The following SPATA20 variants were observed in gnomAD, a reference collection of about 807,000 sequenced individuals.
SPATA20 encodes the protein spermatogenesis associated 20, also known as spermatogenesis-associated protein 20.
Under a neutral mutation model 98.9 loss-of-function variants are expected in SPATA20, and 74 were observed. The ratio of observed to expected loss-of-function variants is 0.75; its 90% confidence interval spans 0.62 to 0.91. The LOEUF (loss-of-function observed/expected upper bound fraction) is 0.91. Ranked by LOEUF, SPATA20 falls within the 40% of genes least tolerant of loss-of-function variation. SPATA20 has a pLI of 0.00. For missense variants in SPATA20, 1,016 were observed against 1,069.8 expected, an observed-to-expected ratio of 0.95 and a Z score of 0.70; for synonymous variants, 430 against 440.5, an observed-to-expected ratio of 0.98 and a Z score of 0.30.
chr17:50,551,630 C>T lies in SPATA20; in HGVS notation c.1696C>T (p.Arg566Cys), dbSNP rs140278023. 120 of 1,602,362 alleles carry T rather than the reference C, an allele frequency of 7.5e-5. No homozygotes were observed. In the South Asian group the frequency reaches 9.2e-4, roughly 12 times the overall value. Residue 566 changes from arginine to cysteine, a missense_variant, in exon 13 of 17, where the codon CGC (arginine) becomes TGC (cysteine). Transcript: ENST00000006658. ...KRHMFDVASG[R>C]LMRTCYTGPG... ...GCACATGTTTGATGTGGCCAGTGGCCGCCTGATGCGGACCTGCTACACCGG... is the reference window on the plus strand; with the variant it reads ...GCACATGTTTGATGTGGCCAGTGGCTGCCTGATGCGGACCTGCTACACCGG...
In SPATA20 at chr17:50,550,201, C is replaced by T. The variant is rs371268284; in HGVS notation, c.994-7C>T. On this transcript the variant is annotated splice_polypyrimidine_tract_variant and splice_region_variant and intron_variant, in intron 8 of 16. Transcript: ENST00000006658. ...TGGGACTGGCCTCCAGCTTTGTATC[C>T]GCACAGGGCTTTCACCGCTACTCCA... 172 of 1,612,556 alleles carry T rather than the reference C, an allele frequency of 1.1e-4. No individual in the cohort carries two copies. The highest frequency in any genetic ancestry group is 1.4e-4 in the Non-Finnish European group (164 of 1,179,730).
rs1318377470 is a variant in SPATA20 at position 50,548,420 on chromosome 17, A to G, written c.263A>G (p.Tyr88Cys). The change falls in exon 3 of 17, where the codon TAC becomes TGC. Residue 88 changes from tyrosine to cysteine, a missense_variant. Tyr to Cys is a radical substitution (Grantham distance 194). Coordinates refer to ENST00000006658, the MANE Select transcript of SPATA20 (RefSeq NM_022827.4). ...CGCCTGATCCACGAGAAGTCACCATACCTCCTACAACATGCCTACAATCCT... is the reference window on the plus strand; with the variant it reads ...CGCCTGATCCACGAGAAGTCACCATGCCTCCTACAACATGCCTACAATCCT... The part of the protein sequence containing the change: ...PNRLIHEKSP[Y>C]LLQHAYNPVD... 6.2e-7 allele frequency: 1 copy of G among 1,613,684 alleles called. No individual in the cohort carries two copies. The highest frequency in any genetic ancestry group is 1.1e-5 in the South Asian group (1 of 91,058).
chr17:50,554,358 T>C lies in SPATA20; in HGVS notation c.2065T>C (p.Leu689=). The C allele has an allele frequency of 1.9e-6, 3 of 1,614,196 alleles. No individual in the cohort carries two copies. The highest frequency in any genetic ancestry group is 2.5e-6 in the Non-Finnish European group (3 of 1,180,042). The change falls in exon 15 of 17, where the codon TTG becomes CTG. Residue 689 remains leucine (L), a synonymous_variant. Coordinates refer to ENST00000006658, the MANE Select transcript of SPATA20 (RefSeq NM_022827.4). ...KDWMDKCVCL[L]TAFSERMRRV... ...CTGGATGGACAAGTGTGTGTGCCTA[T>C]TGACCGCCTTTTCCGAGCGCATGCG...
In SPATA20 at chr17:50,555,261, G is replaced by C. The variant is rs765536475; in HGVS notation, c.2187G>C (p.Lys729Asn). 1.2e-6 allele frequency: 2 copies of C among 1,614,004 alleles called. No homozygotes were observed. The highest frequency in any genetic ancestry group is 4.5e-5 in the East Asian group (2 of 44,872). Reference protein sequence around the residue: ...QIVICGDRQAKDTKALVQCVH... With the variant: ...QIVICGDRQANDTKALVQCVH... Reference sequence around the variant, plus strand: ...TGATCTGTGGAGACCGTCAGGCCAAGGACACCAAGGCCCTGGTGCAGTGCG... The same window carrying C: ...TGATCTGTGGAGACCGTCAGGCCAACGACACCAAGGCCCTGGTGCAGTGCG... The change falls in exon 16 of 17, where the codon AAG becomes AAC. Residue 729 changes from lysine to asparagine, a missense_variant. Transcript: ENST00000006658.
At chr17:50,547,697 C>T (rs375784576) in intron 1 of SPATA20, 23 bp from the exon 2 acceptor site, 4 of 780,948 alleles carry the variant, frequency 5.1e-6, no homozygotes, top group African/African-American at 5.1e-5. Flanking sequence ...AGGCTGAACT[C>T]CCTGAGGTCT....
intron 1 of SPATA20, 178 bp downstream of exon 1, chr17:50,547,463 CCCCTCCTCTCCCGTCCTCATCCCTT>C: frequency 1.6e-6 from 1 of 624,792 alleles, no homozygotes; most frequent in Non-Finnish European, 2.8e-6. Flanking sequence ...AGGCCCTCCT[CCCCTCCTCTCCCGTCCTCATCCCTT>C]CCCTCCTCTC....
chr17:50,555,741 A>G lies in SPATA20; in HGVS notation c.*79A>G, dbSNP rs923906044. On this transcript the variant is annotated 3_prime_UTR_variant, in exon 17 of 17. Transcript: ENST00000006658. Reference sequence around the variant, plus strand: ...AGACTCAGGCCCTGCAGGGCCCTATAGAACCTGTGGCCATCCCTGAGCACC... The same window carrying G: ...AGACTCAGGCCCTGCAGGGCCCTATGGAACCTGTGGCCATCCCTGAGCACC... 2.2e-6 allele frequency: 3 copies of G among 1,360,096 alleles called. No individual in the cohort carries two copies. 84.3% of individuals were successfully genotyped at this position (1,360,096 alleles called of 1,614,324 possible).
Position 50,552,045 on chromosome 17 carries a change from C to T in SPATA20, c.1822C>T (p.Gln608Ter), listed in dbSNP as rs1479946565. ...CCTGCTGGACCTGTATGAGGCCTCA[C>T]AGGAGAGTGCGTGGCTCGAGTGGGC... ...RGLLDLYEAS[Q>*]ESAWLEWALR... Residue 608 changes from glutamine to a stop codon, truncating the protein, a stop_gained, in exon 14 of 17, where the codon CAG (glutamine) becomes TAG (stop). Transcript: ENST00000006658. LOFTEE classifies it high-confidence loss of function. 1.2e-6 allele frequency: 2 copies of T among 1,613,712 alleles called. No individual in the cohort carries two copies. Among genetic ancestry groups the T allele is most frequent in the African/African-American group, 1.3e-5 (1 of 74,936 alleles).
intron 15 of SPATA20, 48 bp downstream of exon 15, chr17:50,554,498 TG>T (rs1298176426): frequency 2.5e-6 from 4 of 1,580,294 alleles, no homozygotes; most frequent in Non-Finnish European, 3.4e-6. Flanking sequence ...GGAGGGAAGT[TG>T]GGGCTGCGAT....
In SPATA20 at chr17:50,550,894, G is replaced by A. The variant is rs1047809962; in HGVS notation, c.1360G>A (p.Ala454Thr). ...CATGAAGCACTACGGCCTCACAGAG[G>A]CTGGTAACATCAGCCCCAGTCAGGT... ...LLMKHYGLTE[A>T]GNISPSQDPK... The change falls in exon 11 of 17, where the codon GCT becomes ACT. Residue 454 changes from alanine to threonine, a missense_variant. By Grantham distance (58) the Ala-to-Thr change is moderately conservative. Transcript: ENST00000006658. The A allele has an allele frequency of 1.9e-6, 3 of 1,612,976 alleles. No individual in the cohort carries two copies. Among genetic ancestry groups the A allele is most frequent in the Admixed American group, 1.7e-5 (1 of 60,016 alleles).
intron 14 of SPATA20, 24 bp downstream of exon 14, chr17:50,552,204 C>G (rs531343979): frequency 1.2e-5 from 19 of 1,604,834 alleles, no homozygotes; most frequent in Non-Finnish European, 1.4e-5. Context: ...CAGGGCTAGT[C>G]TGGGGTCCTG....
chr17:50,551,609 A>G lies in SPATA20; in HGVS notation c.1675A>G (p.Met559Val). Residue 559 changes from methionine (M) to valine (V), a missense_variant, in exon 13 of 17, where the codon ATG becomes GTG. Met to Val is a conservative substitution (Grantham distance 21). Transcript: ENST00000006658. Reference sequence around the variant, plus strand: ...TGGTGCCAAGTTCCTGAAGCGGCACATGTTTGATGTGGCCAGTGGCCGCCT... The same window carrying G: ...TGGTGCCAAGTTCCTGAAGCGGCACGTGTTTGATGTGGCCAGTGGCCGCCT... Reference protein sequence around the residue: ...TNGAKFLKRHMFDVASGRLMR... With the variant: ...TNGAKFLKRHVFDVASGRLMR... The G allele has an allele frequency of 6.2e-7, 1 of 1,607,102 alleles. No homozygotes were observed. The highest frequency in any genetic ancestry group is 8.5e-7 in the Non-Finnish European group (1 of 1,174,492).
At chr17:50,548,017 C>T (rs1466047182) in intron 2 of SPATA20, 1 of 1,472,434 alleles carries the variant, frequency 6.8e-7, no homozygotes, top group Non-Finnish European at 8.9e-7. Flanking sequence ...CCGCCCTGAC[C>T]TCACAGCCAT....
At chr17:50,547,596 GCCTTTCTCCAATAGTAC>G (rs1319846284) in intron 1 of SPATA20, 107 bp from the exon 2 acceptor site, 4 of 733,160 alleles carry the variant, frequency 5.5e-6, no homozygotes, top group Non-Finnish European at 7.6e-6. Context: ...TGGGTCAAGG[GCCTTTCTCCAATAGTAC>G]CCTGTGCCCT....
At position 50,555,602 on chromosome 17, in the gene SPATA20, T is replaced by A. The variant is rs779729164; in HGVS notation, c.2349T>A (p.Asn783Lys). ...EDQATAYVCE[N>K]QACSVPITDP... ...AGGCCACTGCATATGTGTGTGAGAA[T>A]CAAGCCTGCTCAGTGCCCATCACTG... Residue 783 changes from asparagine to lysine, a missense_variant, in exon 17 of 17, where the codon AAT (asparagine) becomes AAA (lysine). Coordinates refer to ENST00000006658, the MANE Select transcript of SPATA20 (RefSeq NM_022827.4). 6.2e-6 allele frequency: 10 copies of A among 1,614,056 alleles called. No individual in the cohort carries two copies. Among genetic ancestry groups the A allele is most frequent in the Admixed American group, 1.7e-5 (1 of 60,008 alleles).
In SPATA20 at chr17:50,549,957, C is replaced by T. The variant is rs367933399; in HGVS notation, c.863-28C>T. 13 of 1,526,316 alleles carry T rather than the reference C, an allele frequency of 8.5e-6. No homozygotes were observed. In the African/African-American group the frequency reaches 1.7e-4, roughly 19 times the overall value. The allele number at this position is 1,526,316 out of a possible 1,614,324, so 94.5% of individuals were successfully genotyped here. On this transcript the variant is annotated intron_variant, in intron 7 of 16. Coordinates refer to ENST00000006658, the MANE Select transcript of SPATA20 (RefSeq NM_022827.4). ...CTCTGTCCCCACTTTCCCATTCTCT[C>T]ACCTGCATGTTCTTGGTGCCCCCAC...
In SPATA20 at chr17:50,554,390, C is replaced by A. The variant is rs201828110; in HGVS notation, c.2097C>A (p.Val699=). 1.2e-6 allele frequency: 2 copies of A among 1,613,960 alleles called. No individual in the cohort carries two copies. Among genetic ancestry groups the A allele is most frequent in the Admixed American group, 3.3e-5 (2 of 60,036 alleles). ...CCTTTTCCGAGCGCATGCGTCGTGT[C>A]CCGGTGGCGTTGCCCGAGATGGTCC... is the stretch of plus-strand genomic sequence containing the variant. The part of the protein sequence containing the change: ...LTAFSERMRR[V]PVALPEMVRA... Residue 699 remains valine (V), a synonymous_variant, in exon 15 of 17, where the codon GTC becomes GTA. Coordinates refer to ENST00000006658, the MANE Select transcript of SPATA20 (RefSeq NM_022827.4).
intron 3 of SPATA20, 25 bp from the exon 4 acceptor site, chr17:50,548,529 T>G: frequency 1.9e-6 from 3 of 1,613,190 alleles, no homozygotes; most frequent in Non-Finnish European, 2.5e-6. Flanking sequence ...GGCTACTGAG[T>G]GATGCCCCAC....
chr17:50,550,753 C>CG lies in SPATA20; in HGVS notation c.1223dup (p.Gln409ProfsTer48), dbSNP rs2034998608. The CG allele has an allele frequency of 3.7e-6, 6 of 1,613,230 alleles. No individual in the cohort carries two copies. The highest frequency in any genetic ancestry group is 8.5e-7 in the Non-Finnish European group (1 of 1,180,028). On this transcript the variant is annotated frameshift_variant, in exon 11 of 17. Transcript: ENST00000006658. LOFTEE classifies it high-confidence loss of function. ...AGAAGATGCAGACTCGCCCCCAGAG[C>CG]GGGGCCAGCGGCCCAAAGAGGGCGC...
Sources: gnomAD v4.1 joint callset for allele counts on GRCh38, gnomAD v4.1.1 for gene constraint, MANE v1.5 for transcripts, NCBI Gene and HGNC (gene_info 2026-07-23, HGNC 2026-07-21) for gene names.